Variants in FLT1 observed in about 807,000 individuals in gnomAD.
FLT1 encodes fms related receptor tyrosine kinase 1.
A neutral mutation model predicts 156.3 loss-of-function variants in FLT1; 49 were observed. That is an observed-to-expected ratio of 0.31 (90% CI 0.25 to 0.40). The LOEUF (loss-of-function observed/expected upper bound fraction) is 0.40. Ranked by LOEUF, FLT1 falls within the 10% of genes least tolerant of loss-of-function variation. The pLI is 1.00. For missense variants in FLT1, 1,322 were observed against 1,637.2 expected (o/e 0.81, Z 3.32); for synonymous variants, 594 against 583.8 (o/e 1.02, Z -0.25).
chr13:28,368,703 C>CTT (rs34319914), intron 14 of FLT1: 11,261 of 560,434 alleles, frequency 0.02, 19 homozygotes, highest in South Asian at 0.033. Flanking sequence ...AGATTGGCAG[C>CTT]TTTTTTTTTT....
At chr13:28,493,082 G>T (rs897789819) in intron 1 of FLT1, among the ~76,000 whole-genome samples, 2 of 152,012 alleles carry the variant, frequency 1.3e-5, no homozygotes, top group Non-Finnish European at 2.9e-5. Context: ...CAATTACAAA[G>T]AAAACGATGC....
rs941239701 is a variant in FLT1 at position 28,438,279 on chromosome 13, C to T, written c.455G>A (p.Arg152Lys). 11 of 1,613,202 alleles carry T rather than the reference C, an allele frequency of 6.8e-6. No homozygotes were observed. The highest frequency in any genetic ancestry group is 9.3e-6 in the Non-Finnish European group (11 of 1,179,252). ...AACCCGGCAGGGAATGACGAGCTCC[C>T]TTCCTTCAGTCATGTGTATAATTTC... ...IPEIIHMTEG[R>K]ELVIPCRVTS... Residue 152 changes from arginine to lysine, a missense_variant, in exon 4 of 30, where the codon AGG (arginine) becomes AAG (lysine). By Grantham distance (26) the Arg-to-Lys change is conservative. This residue lies in a region of FLT1 where 991 missense variants were observed against 1,254.8 expected (regional missense o/e 0.79). Transcript: ENST00000282397.
chr13:28,440,323 C>T (rs1466244253), intron 3 of FLT1, among the ~76,000 whole-genome samples: 1 of 152,182 alleles, frequency 6.6e-6, no homozygotes, highest in Non-Finnish European at 1.5e-5. Context: ...AGAAAAGAGG[C>T]ACAAACAGGT....
chr13:28,412,373 T>TTTCTTTCTTTCTTTCCTTCC (rs1876314148), intron 10 of FLT1, among the ~76,000 whole-genome samples: 3 of 126,272 alleles, frequency 2.4e-5, no homozygotes, highest in Admixed American at 8.2e-5. Context: ...TCTTTCTTTC[T>TTTCTTTCTTTCTTTCCTTCC]TTCTTTCTTT....
intron 10 of FLT1, among the ~76,000 whole-genome samples, chr13:28,414,109 G>A (rs1466279432): frequency 6.6e-6 from 1 of 152,188 alleles, no homozygotes; most frequent in African/African-American, 2.4e-5. Flanking sequence ...ACTCACTGTG[G>A]AAGAAGTGTG....
intron 1 of FLT1, among the ~76,000 whole-genome samples, chr13:28,473,718 GA>G (rs1566050186): frequency 2.8e-4 from 23 of 81,008 alleles, no homozygotes; most frequent in African/African-American, 1.2e-3. Flanking sequence ...AAGAAAGAAA[GA>G]AAGAAAGAAA....
intron 13 of FLT1, chr13:28,385,540 C>G: frequency 3.0e-6 from 3 of 1,012,188 alleles, no homozygotes; most frequent in Non-Finnish European, 3.5e-6. Flanking sequence ...GCAGACCAAA[C>G]AGGAGAATTT....
intron 13 of FLT1, chr13:28,388,099 G>C: frequency 9.5e-7 from 1 of 1,056,988 alleles, no homozygotes; most frequent in Non-Finnish European, 1.1e-6. Flanking sequence ...TTTCCTGAAG[G>C]AACACACTAA....
In FLT1 at chr13:28,303,010, A is replaced by G; in HGVS notation, c.*157T>C. ...ATCTGGAGTTACATTCTTGTTAGTC[A>G]AAAAAAAAAAAGCACTATTAAAAAA... On this transcript the variant is annotated 3_prime_UTR_variant, in exon 30 of 30. Coordinates refer to ENST00000282397, the MANE Select transcript of FLT1 (RefSeq NM_002019.4). 2 of 129,432 alleles carry G rather than the reference A, an allele frequency of 1.5e-5. No individual in the cohort carries two copies. The highest frequency in any genetic ancestry group is 3.3e-4 in the East Asian group (2 of 6,098). The allele number at this position is 129,432 out of a possible 1,614,324, so 8.0% of individuals were successfully genotyped here.
chr13:28,339,794 G>T (rs1373464775), intron 16 of FLT1, among the ~76,000 whole-genome samples: 1 of 152,176 alleles, frequency 6.6e-6, no homozygotes, highest in Non-Finnish European at 1.5e-5. Context: ...GATCCCTGGG[G>T]CACTGAAAAG....
At chr13:28,353,971 C>T (rs1178764050) in intron 15 of FLT1, among the ~76,000 whole-genome samples, 1 of 152,192 alleles carries the variant, frequency 6.6e-6, no homozygotes, top group Non-Finnish European at 1.5e-5. Flanking sequence ...AATTCACCAA[C>T]CTCTTTAAAT....
chr13:28,422,504 A>G lies in FLT1; in HGVS notation c.1436+4655T>C, dbSNP rs143840327. On this transcript the variant is annotated intron_variant, in intron 10 of 29. Transcript: ENST00000282397. ...CAGTAATCAAAGGCTGCAGGCATTG[A>G]ACCTCCCTAGAATAAAGACCCAAAC... 1.1e-4 allele frequency among the ~76,000 whole-genome samples: 17 copies of G among 152,348 alleles called. No individual in the cohort carries two copies. The East Asian group carries it at 2.3e-3, about 21-fold the overall frequency.
Position 28,312,499 on chromosome 13 carries a change from T to C in FLT1, c.3387-401A>G, listed in dbSNP as rs138822246. 2.6e-4 allele frequency among the ~76,000 whole-genome samples: 40 copies of C among 151,928 alleles called. No individual in the cohort carries two copies. In the East Asian group the frequency reaches 7.7e-3, roughly 29 times the overall value. On this transcript the variant is annotated intron_variant, in intron 25 of 29. Transcript: ENST00000282397. ...CCCCACACTTACAGAAGTAGGACGATGTCCTTAAAGTTAAAAAAAAAAAAA... is the reference window on the plus strand; with the variant it reads ...CCCCACACTTACAGAAGTAGGACGACGTCCTTAAAGTTAAAAAAAAAAAAA...
intron 16 of FLT1, among the ~76,000 whole-genome samples, chr13:28,344,211 T>A (rs1013103535): frequency 2.0e-5 from 3 of 151,870 alleles, no homozygotes; most frequent in African/African-American, 7.3e-5. Flanking sequence ...GCCTTGCCGC[T>A]TTCCCTTCCC....
rs555718934 is a variant in FLT1, at chr13:28,370,089, C to T, written c.2117-12404G>A. Among the ~76,000 whole-genome samples the T allele has an allele frequency of 2.0e-5, 3 of 151,948 alleles. No individual in the cohort carries two copies. In the East Asian group the frequency reaches 5.8e-4, roughly 30 times the overall value. ...TGGTGGCATGTGCCTGTAGTTCCAG[C>T]TACTTGGGGAGGTGGGAGAGTTGGG... On this transcript the variant is annotated intron_variant, in intron 14 of 29. Transcript: ENST00000282397.
chr13:28,415,878 C>T (rs1876617341), intron 10 of FLT1, among the ~76,000 whole-genome samples: 1 of 152,220 alleles, frequency 6.6e-6, no homozygotes, highest in Non-Finnish European at 1.5e-5. Context: ...AGTCAGAGGA[C>T]CTGTCCCAAG....
intron 10 of FLT1, among the ~76,000 whole-genome samples, chr13:28,426,694 A>G (rs1459598718): frequency 3.9e-5 from 6 of 152,330 alleles, no homozygotes; most frequent in Middle Eastern, 3.4e-3. Flanking sequence ...GTGGAGGTGC[A>G]TTTCAGACAG....
At chr13:28,383,891 T>C (rs1874196484) in intron 14 of FLT1, among the ~76,000 whole-genome samples, 1 of 152,088 alleles carries the variant, frequency 6.6e-6, no homozygotes, top group Non-Finnish European at 1.5e-5. Context: ...CAGGAAGGTA[T>C]GTGTAGGTTA....
Position 28,427,823 on chromosome 13 carries a change from T to C in FLT1, c.1205A>G (p.Asn402Ser), listed in dbSNP as rs995996532. ...IKDVTEEDAG[N>S]YTILLSIKQS... Reference sequence around the variant, plus strand: ...TTTTATGCTCAGCAAGATTGTATAATTCCCTGCATCCTCTTCAGTTACGTC... The same window carrying C: ...TTTTATGCTCAGCAAGATTGTATAACTCCCTGCATCCTCTTCAGTTACGTC... The change falls in exon 9 of 30, where the codon AAT (asparagine) becomes AGT (serine). Residue 402 changes from asparagine to serine, a missense_variant. Around this residue, in one of 3 missense-constraint regions of FLT1, gnomAD observed 991 missense variants for 1,254.8 expected, o/e 0.79. Coordinates refer to ENST00000282397, the MANE Select transcript of FLT1 (RefSeq NM_002019.4). The C allele has an allele frequency of 3.7e-6, 6 of 1,613,894 alleles. No homozygotes were observed. In the East Asian group the frequency reaches 8.9e-5, roughly 24 times the overall value.
Sources: gnomAD v4.1 joint callset for allele counts (sites outside exome capture counted in the v4.1 genomes callset) on GRCh38, gnomAD v4.1.1 for gene constraint, gnomAD v4.1.1 regional missense constraint, MANE v1.5 for transcripts, NCBI Gene and HGNC (gene_info 2026-07-23, HGNC 2026-07-21) for gene names.